The following MYLK variants were observed in gnomAD, a reference collection of about 807,000 sequenced individuals.
MYLK encodes the protein myosin light chain kinase.
Under a neutral mutation model 203.4 loss-of-function variants are expected in MYLK, and 106 were observed. The observed-to-expected ratio is 0.52, with a 90% CI of 0.45 to 0.61. The LOEUF is 0.61. Ranked by LOEUF, MYLK falls within the 20% of genes least tolerant of loss-of-function variation. MYLK has a pLI of 0.00. For missense variants in MYLK, 2,072 were observed against 2,442.3 expected (o/e 0.85, Z 3.20); for synonymous variants, 867 against 959.5 (o/e 0.90, Z 1.78).
chr3:123,733,311 C>T (rs2062553413), intron 10 of MYLK, among the ~76,000 whole-genome samples: 1 of 152,124 alleles, frequency 6.6e-6, no homozygotes, highest in Admixed American at 6.5e-5. Flanking sequence ...AGGATGAATA[C>T]AGCGTGATGG....
chr3:123,849,443 G>A (rs1482049471), intron 2 of MYLK, among the ~76,000 whole-genome samples: 1 of 152,130 alleles, frequency 6.6e-6, no homozygotes, highest in Non-Finnish European at 1.5e-5. Flanking sequence ...AATAGCTATG[G>A]TTTAAGTCTC....
chr3:123,650,351 G>A (rs1054886555), intron 24 of MYLK, among the ~76,000 whole-genome samples: 4 of 152,152 alleles, frequency 2.6e-5, no homozygotes, highest in Admixed American at 1.3e-4. Context: ...GTTTCCCAAG[G>A]AAGCAAAACA....
At chr3:123,643,850 T>C in intron 27 of MYLK, among the ~76,000 whole-genome samples, 1 of 152,272 alleles carries the variant, frequency 6.6e-6, no homozygotes, top group East Asian at 1.9e-4. Flanking sequence ...GAACGTTCTT[T>C]GATAAATTTT....
intron 5 of MYLK, among the ~76,000 whole-genome samples, chr3:123,748,577 T>C (rs1000550404): frequency 3.9e-5 from 6 of 152,146 alleles, no homozygotes; most frequent in Non-Finnish European, 7.3e-5. Flanking sequence ...GTAAAATACA[T>C]CCCAGATGTT....
chr3:123,763,773 G>T (rs1248446889), intron 4 of MYLK, among the ~76,000 whole-genome samples: 2 of 152,156 alleles, frequency 1.3e-5, no homozygotes, highest in Non-Finnish European at 2.9e-5. Flanking sequence ...ATTTCATGAT[G>T]ACCTGACTTG....
intron 4 of MYLK, 141 bp from the exon 5 acceptor site, chr3:123,752,679 G>A (rs2063238615): frequency 3.1e-6 from 3 of 957,494 alleles, no homozygotes; most frequent in Non-Finnish European, 4.8e-6. Flanking sequence ...TACAGATAAG[G>A]AAATCAAGGT....
At chr3:123,678,452 C>T (rs534622307) in intron 20 of MYLK, among the ~76,000 whole-genome samples, 1 of 152,130 alleles carries the variant, frequency 6.6e-6, no homozygotes, top group African/African-American at 2.4e-5. Flanking sequence ...TTTCTCTCAC[C>T]CCGTCCTTGC....
intron 11 of MYLK, among the ~76,000 whole-genome samples, chr3:123,731,956 A>C (rs2062491613): frequency 6.6e-6 from 1 of 151,184 alleles, no homozygotes; most frequent in African/African-American, 2.4e-5. Context: ...TGATGTTACT[A>C]TATACCTTCT....
At chr3:123,701,027 A>C in intron 17 of MYLK, 22 bp from the exon 18 acceptor site, 1 of 1,569,946 alleles carries the variant, frequency 6.4e-7, no homozygotes, top group Non-Finnish European at 8.6e-7. Context: ...GTAGGGAAAA[A>C]GGAAAGTAGC....
At chr3:123,861,116 C>T (rs1173689301) in intron 2 of MYLK, among the ~76,000 whole-genome samples, 11 of 144,724 alleles carry the variant, frequency 7.6e-5, no homozygotes, top group Admixed American at 3.5e-4. Flanking sequence ...GGCGATAGAG[C>T]GAGACCCTGT....
intron 19 of MYLK, among the ~76,000 whole-genome samples, chr3:123,688,132 A>C (rs545007717): frequency 5.3e-5 from 8 of 151,038 alleles, no homozygotes; most frequent in African/African-American, 1.9e-4. Context: ...CTCTTCTTAT[A>C]GCCACCTCTG....
At chr3:123,867,838 T>A (rs990353355) in intron 2 of MYLK, among the ~76,000 whole-genome samples, 1 of 152,330 alleles carries the variant, frequency 6.6e-6, no homozygotes. Flanking sequence ...CCTACAGTCC[T>A]CAGGTCCACA....
chr3:123,672,592 G>A (rs1015741366), intron 20 of MYLK, among the ~76,000 whole-genome samples: 25 of 152,196 alleles, frequency 1.6e-4, no homozygotes, highest in Admixed American at 1.5e-3. Context: ...CCAAAGTCCT[G>A]CCCCATACTT....
intron 3 of MYLK, among the ~76,000 whole-genome samples, chr3:123,830,418 T>G (rs1270753116): frequency 6.6e-6 from 1 of 152,228 alleles, no homozygotes; most frequent in African/African-American, 2.4e-5. Context: ...TTATGGGATT[T>G]ATTTCCTTAA....
At position 123,613,914 on chromosome 3, in the gene MYLK, CAT is replaced by C; in HGVS notation, c.*189_*190del. 1.5e-6 allele frequency: 1 copy of C among 650,740 alleles called. No individual in the cohort carries two copies. Among genetic ancestry groups the C allele is most frequent in the Middle Eastern group, 4.0e-4 (1 of 2,514 alleles). 40.3% of individuals were successfully genotyped at this position (650,740 alleles called of 1,614,324 possible). On this transcript the variant is annotated 3_prime_UTR_variant, in exon 34 of 34. Coordinates refer to ENST00000360304, the MANE Select transcript of MYLK (RefSeq NM_053025.4). ...ACTAGTATCTTAAGGTGCCAACTAA[CAT>C]AGATTAATGCCCATCAATAACGCTG...
chr3:123,690,838 C>A (rs2060630659), intron 19 of MYLK, among the ~76,000 whole-genome samples: 1 of 152,082 alleles, frequency 6.6e-6, no homozygotes, highest in African/African-American at 2.4e-5. Flanking sequence ...GGAGGCCTAA[C>A]TCTGCATTTG....
At chr3:123,777,361 AAC>A (rs1485073234) in intron 4 of MYLK, among the ~76,000 whole-genome samples, 2 of 152,328 alleles carry the variant, frequency 1.3e-5, no homozygotes, top group South Asian at 2.1e-4. Flanking sequence ...ATGGCCCCAC[AAC>A]ACAGAGTTTC....
intron 4 of MYLK, among the ~76,000 whole-genome samples, chr3:123,787,562 A>T (rs1222667728): frequency 6.6e-6 from 1 of 152,188 alleles, no homozygotes; most frequent in Non-Finnish European, 1.5e-5. Context: ...AGAAACGGTC[A>T]TCGCGTTCAA....
rs1254392 is a variant in MYLK at position 123,649,166 on chromosome 3, A to G, written c.4317T>C (p.Asp1439=). The change falls in exon 25 of 34, where the codon GAT becomes GAC. Residue 1439 remains aspartate, a synonymous_variant. Transcript: ENST00000360304. ...GAAGACAGGGGCTGCACTCACCATC[A>G]TCTGACACCTCCACTTCATCCTTCG... ...EEPKDEVEVS[D]DDEKEPEVDY... 235,254 of 1,612,966 alleles carry G rather than the reference A, an allele frequency of 0.15. 33,826 individuals carry two copies. The highest frequency in any genetic ancestry group is 0.65 in the East Asian group (29,165 of 44,818).
Sources: allele counts gnomAD v4.1 joint callset (sites outside exome capture counted in the v4.1 genomes callset), GRCh38; gene constraint gnomAD v4.1.1; transcripts MANE v1.5; gene names NCBI Gene and HGNC (gene_info 2026-07-23, HGNC 2026-07-21).